Variants in ACBD3 observed in about 807,000 individuals in gnomAD.
ACBD3 encodes Golgi resident protein GCP60.
In ACBD3, 30 loss-of-function variants were observed where a neutral mutation model predicts 66.9. The ratio of observed to expected loss-of-function variants is 0.45; its 90% confidence interval spans 0.34 to 0.61. The LOEUF is 0.61. ACBD3 is among the 20% of genes least tolerant of loss of function. The probability of loss-of-function intolerance (pLI) is 0.02; values close to 1 mark genes in which losing one functional copy is unlikely to be tolerated. For missense variants in ACBD3, 544 were observed against 664.5 expected, an observed-to-expected ratio of 0.82 and a Z score of 1.99; for synonymous variants, 278 against 259.8, an observed-to-expected ratio of 1.07 and a Z score of -0.68.
chr1:226,168,967 A>G (rs1458944267), intron 1 of ACBD3, among the ~76,000 whole-genome samples: 5 of 151,830 alleles, frequency 3.3e-5, no homozygotes, highest in African/African-American at 1.2e-4. Context: ...GGTTCAAGTG[A>G]TTCTCCTGCC....
chr1:226,171,073 T>C (rs1482530850), intron 1 of ACBD3, among the ~76,000 whole-genome samples: 1 of 152,062 alleles, frequency 6.6e-6, no homozygotes, highest in Non-Finnish European at 1.5e-5. Context: ...CCACCATGCC[T>C]GGCCAACTTG....
At chr1:226,179,218 A>C (rs1311399017) in intron 1 of ACBD3, among the ~76,000 whole-genome samples, 1 of 152,216 alleles carries the variant, frequency 6.6e-6, no homozygotes, top group African/African-American at 2.4e-5. Context: ...AATGTGTCCC[A>C]AAATCTTTGT....
At chr1:226,160,887 G>A (rs1277021134) in intron 4 of ACBD3, among the ~76,000 whole-genome samples, 2 of 152,222 alleles carry the variant, frequency 1.3e-5, no homozygotes, top group Admixed American at 6.5e-5. Context: ...AAGATTCTCT[G>A]TCCTGGGAAA....
Position 226,154,647 on chromosome 1 carries a change from C to T in ACBD3, c.1090G>A (p.Glu364Lys). ...GGACAAACACATATGCAAAACCTAC[C>T]TTTTGGTCCATTCTCCAGGGCTTCT... Reference protein sequence around the residue: ...AEEALENGPKESLPVIAAPSM... With the variant: ...AEEALENGPKKSLPVIAAPSM... Residue 364 changes from glutamate (E) to lysine (K), a missense_variant and splice_region_variant, in exon 6 of 8, where the codon GAA becomes AAA. This residue lies in a region of ACBD3 where 383 missense variants were observed against 462.4 expected (regional missense o/e 0.83). Coordinates refer to ENST00000366812, the MANE Select transcript of ACBD3 (RefSeq NM_022735.4). 1 of 1,608,158 alleles carries T rather than the reference C, an allele frequency of 6.2e-7. No homozygotes were observed. The highest frequency in any genetic ancestry group is 8.5e-7 in the Non-Finnish European group (1 of 1,177,194).
intron 1 of ACBD3, among the ~76,000 whole-genome samples, chr1:226,179,595 C>T (rs1576242068): frequency 1.3e-5 from 2 of 152,188 alleles, no homozygotes; most frequent in Non-Finnish European, 2.9e-5. Flanking sequence ...TGGTGGTTCA[C>T]GCCTGTAATC....
At chr1:226,147,757 G>C (rs1340391495) in intron 7 of ACBD3, among the ~76,000 whole-genome samples, 1 of 152,128 alleles carries the variant, frequency 6.6e-6, no homozygotes, top group Non-Finnish European at 1.5e-5. Flanking sequence ...CCGGTTAAGA[G>C]TTTTTTGAAC....
At chr1:226,167,524 T>C (rs1258628783) in intron 1 of ACBD3, among the ~76,000 whole-genome samples, 1 of 152,206 alleles carries the variant, frequency 6.6e-6, no homozygotes, top group East Asian at 1.9e-4. Context: ...AAAGACTAAC[T>C]GCTACCAACA....
chr1:226,160,602 A>G (rs946852458), intron 4 of ACBD3, among the ~76,000 whole-genome samples: 4 of 152,138 alleles, frequency 2.6e-5, no homozygotes, highest in African/African-American at 4.8e-5. Context: ...CTAGCACTAA[A>G]CCTTTTTCTG....
At chr1:226,186,355 G>T in intron 1 of ACBD3, 35 bp downstream of exon 1, 1 of 1,481,932 alleles carries the variant, frequency 6.7e-7, no homozygotes, top group Non-Finnish European at 9.0e-7. Flanking sequence ...CCGGGGCCGG[G>T]CAGAAGCGGC....
At chr1:226,170,289 C>T (rs1657759282) in intron 1 of ACBD3, among the ~76,000 whole-genome samples, 2 of 147,936 alleles carry the variant, frequency 1.4e-5, no homozygotes, top group Non-Finnish European at 3.0e-5. Flanking sequence ...TCCCGAGTAG[C>T]TGGGACTGCA....
At chr1:226,156,889 CTAA>C in intron 5 of ACBD3, among the ~76,000 whole-genome samples, 1 of 152,196 alleles carries the variant, frequency 6.6e-6, no homozygotes. Context: ...CTCATCTCCA[CTAA>C]TCCTTTCTTG....
At chr1:226,177,613 T>C (rs950564374) in intron 1 of ACBD3, among the ~76,000 whole-genome samples, 1 of 152,112 alleles carries the variant, frequency 6.6e-6, no homozygotes, top group African/African-American at 2.4e-5. Context: ...ATTTAATCCA[T>C]AGACTAGGGG....
intron 7 of ACBD3, among the ~76,000 whole-genome samples, chr1:226,149,387 T>C (rs947538808): frequency 6.6e-6 from 1 of 150,838 alleles, no homozygotes; most frequent in Non-Finnish European, 1.5e-5. Context: ...CCACCATGCC[T>C]GGCTAATTTT....
rs544526759 is a variant in ACBD3 at position 226,168,850 on chromosome 1, G to C, written c.287-2850C>G. On this transcript the variant is annotated intron_variant, in intron 1 of 7. Coordinates refer to ENST00000366812, the MANE Select transcript of ACBD3 (RefSeq NM_022735.4). ...GTAATTATTAGAGAAACACAGCCCA[G>C]AACAACTTCCTTCTCACTTTTTATT... Among the ~76,000 whole-genome samples the C allele has an allele frequency of 2.0e-5, 3 of 152,306 alleles. No homozygotes were observed. In the East Asian group the frequency reaches 5.8e-4, roughly 29 times the overall value.
chr1:226,168,039 C>A (rs947301850), intron 1 of ACBD3, among the ~76,000 whole-genome samples: 6 of 151,976 alleles, frequency 3.9e-5, no homozygotes, highest in African/African-American at 9.7e-5. Context: ...TTATCTTATC[C>A]CCCAGTGGAT....
chr1:226,165,449 G>A (rs751608576), intron 2 of ACBD3, among the ~76,000 whole-genome samples: 1 of 152,118 alleles, frequency 6.6e-6, no homozygotes, highest in Non-Finnish European at 1.5e-5. Context: ...GGGATTACAG[G>A]CATGAACTGC....
At chr1:226,170,333 ATTT>A (rs71574563) in intron 1 of ACBD3, among the ~76,000 whole-genome samples, 43 of 109,804 alleles carry the variant, frequency 3.9e-4, no homozygotes, top group African/African-American at 1.2e-3. Flanking sequence ...AATTTTTTGA[ATTT>A]TTTTTTTTTT....
Position 226,161,506 on chromosome 1 carries a change from AACATAAGCC to A in ACBD3, c.728+16_728+24del. 1.2e-6 allele frequency: 2 copies of A among 1,605,442 alleles called. No individual in the cohort carries two copies. The highest frequency in any genetic ancestry group is 1.7e-6 in the Non-Finnish European group (2 of 1,178,116). On this transcript the variant is annotated intron_variant, in intron 4 of 7. Coordinates refer to ENST00000366812, the MANE Select transcript of ACBD3 (RefSeq NM_022735.4). ...ATTTTTTTTCCATTTCTCATTTTAA[AACATAAGCC>A]ACATAATAAACTTACTTTTGCTGCT...
At chr1:226,179,820 T>C (rs573323961) in intron 1 of ACBD3, among the ~76,000 whole-genome samples, 26 of 151,830 alleles carry the variant, frequency 1.7e-4, no homozygotes, top group African/African-American at 5.1e-4. Context: ...ATCGCACCAC[T>C]GCACTCTAGC....
Sources: gnomAD v4.1 joint callset for allele counts (sites outside exome capture counted in the v4.1 genomes callset) on GRCh38, gnomAD v4.1.1 for gene constraint, gnomAD v4.1.1 regional missense constraint, MANE v1.5 for transcripts, NCBI Gene and HGNC (gene_info 2026-07-23, HGNC 2026-07-21) for gene names.